The following MNAT1 variants were observed in gnomAD, a reference collection of about 807,000 sequenced individuals.
The protein encoded by MNAT1 is CDK-activating kinase assembly factor MAT1.
In MNAT1, 43 loss-of-function variants were observed where a neutral mutation model predicts 42.0. The observed-to-expected ratio is 1.02, with a 90% CI of 0.80 to 1.32. MNAT1 has a LOEUF of 1.32. Ranked by LOEUF, MNAT1 falls within the 40% of genes most tolerant of loss-of-function variation. The probability of loss-of-function intolerance (pLI) is 0.00; values close to 1 mark genes in which losing one functional copy is unlikely to be tolerated. For synonymous variants in MNAT1, 118 were observed against 120.0 expected (o/e 0.98, Z 0.11); for missense variants, 306 against 350.4 (o/e 0.87, Z 1.01).
At chr14:60,801,824 G>A (rs2032210814) in intron 3 of MNAT1, among the ~76,000 whole-genome samples, 2 of 152,096 alleles carry the variant, frequency 1.3e-5, no homozygotes, top group African/African-American at 4.8e-5. Flanking sequence ...CCACTTCTGG[G>A]TCTATAACCT....
At chr14:60,790,186 G>A (rs2031773838) in intron 1 of MNAT1, among the ~76,000 whole-genome samples, 1 of 152,104 alleles carries the variant, frequency 6.6e-6, no homozygotes, top group Non-Finnish European at 1.5e-5. Context: ...GTAAGAATAA[G>A]ATAGAAGGAG....
intron 7 of MNAT1, among the ~76,000 whole-genome samples, chr14:60,909,560 G>C (rs1184786902): frequency 6.6e-6 from 1 of 152,016 alleles, no homozygotes; most frequent in Non-Finnish European, 1.5e-5. Context: ...AGTTTTCCCA[G>C]CACCATTTAT....
intron 1 of MNAT1, among the ~76,000 whole-genome samples, chr14:60,765,293 C>T (rs1248275187): frequency 6.6e-6 from 1 of 152,046 alleles, no homozygotes; most frequent in South Asian, 2.1e-4. Context: ...CTCAAACAAA[C>T]GTCTCACTCA....
intron 6 of MNAT1, among the ~76,000 whole-genome samples, chr14:60,872,360 A>G (rs1209971898): frequency 6.6e-6 from 1 of 152,198 alleles, no homozygotes; most frequent in Non-Finnish European, 1.5e-5. Flanking sequence ...TCAACATGAA[A>G]TTTGGAAGGG....
At chr14:60,903,290 A>C (rs1339538676) in intron 7 of MNAT1, among the ~76,000 whole-genome samples, 5 of 152,078 alleles carry the variant, frequency 3.3e-5, no homozygotes, top group African/African-American at 1.2e-4. Flanking sequence ...AATATTATTA[A>C]AAATTTTTTC....
chr14:60,861,895 A>G (rs1483272519), intron 6 of MNAT1, among the ~76,000 whole-genome samples: 2 of 152,198 alleles, frequency 1.3e-5, no homozygotes, highest in Admixed American at 6.5e-5. Flanking sequence ...CTCCCACATG[A>G]TATCAGATGT....
intron 6 of MNAT1, among the ~76,000 whole-genome samples, chr14:60,862,506 G>C (rs2034119553): frequency 6.6e-6 from 1 of 152,166 alleles, no homozygotes; most frequent in Admixed American, 6.5e-5. Context: ...CAAGGGCTCA[G>C]TGCCAAAAAG....
At chr14:60,946,100 A>G (rs1566573771) in intron 7 of MNAT1, among the ~76,000 whole-genome samples, 1 of 152,188 alleles carries the variant, frequency 6.6e-6, no homozygotes, top group Non-Finnish European at 1.5e-5. Flanking sequence ...GATTCAACTC[A>G]GGGATATTAG....
chr14:60,767,771 T>G lies in MNAT1; in HGVS notation c.90-28446T>G, dbSNP rs554528329. 1.9e-4 allele frequency among the ~76,000 whole-genome samples: 29 copies of G among 152,046 alleles called. 1 individual carries two copies. In the East Asian group the frequency reaches 5.2e-3, roughly 27 times the overall value. ...GCATGCCACCACACTTGGCTATTTT[T>G]TTTGTTTGTTTTGAGATGGAGTCTC... On this transcript the variant is annotated intron_variant, in intron 1 of 7. Coordinates refer to ENST00000261245, the MANE Select transcript of MNAT1 (RefSeq NM_002431.4).
chr14:60,825,052 A>G (rs1220419991), intron 6 of MNAT1, among the ~76,000 whole-genome samples: 1 of 152,168 alleles, frequency 6.6e-6, no homozygotes, highest in Non-Finnish European at 1.5e-5. Flanking sequence ...GACAAAAGTT[A>G]TTTACAACAT....
At chr14:60,931,368 T>C (rs1364951271) in intron 7 of MNAT1, among the ~76,000 whole-genome samples, 2 of 152,286 alleles carry the variant, frequency 1.3e-5, no homozygotes, top group East Asian at 3.9e-4. Context: ...GCTTTCTCAC[T>C]ACTCACTTTT....
chr14:60,778,845 A>G (rs973444527), intron 1 of MNAT1, among the ~76,000 whole-genome samples: 22 of 152,204 alleles, frequency 1.4e-4, no homozygotes, highest in Admixed American at 7.2e-4. Flanking sequence ...TCATTATATT[A>G]AGTATCCTCA....
At chr14:60,910,443 A>G (rs1180971385) in intron 7 of MNAT1, among the ~76,000 whole-genome samples, 1 of 152,194 alleles carries the variant, frequency 6.6e-6, no homozygotes, top group Non-Finnish European at 1.5e-5. Flanking sequence ...TCCATTCAGT[A>G]TGATATTGGC....
chr14:60,859,011 T>C (rs535308391), intron 6 of MNAT1, among the ~76,000 whole-genome samples: 1 of 152,332 alleles, frequency 6.6e-6, no homozygotes, highest in Non-Finnish European at 1.5e-5. Flanking sequence ...TATCTGCCTT[T>C]CGTAAGAATT....
chr14:60,738,921 A>G (rs1296151217), intron 1 of MNAT1, among the ~76,000 whole-genome samples: 27 of 152,290 alleles, frequency 1.8e-4, no homozygotes. Context: ...AGGCATTTTT[A>G]TAATATGCTT....
chr14:60,908,462 C>T (rs2035265275), intron 7 of MNAT1, among the ~76,000 whole-genome samples: 1 of 151,922 alleles, frequency 6.6e-6, no homozygotes, highest in Non-Finnish European at 1.5e-5. Context: ...CTAATGCTAT[C>T]CCTCCCCCAA....
intron 6 of MNAT1, among the ~76,000 whole-genome samples, chr14:60,819,280 T>C (rs1358558169): frequency 6.6e-6 from 1 of 152,022 alleles, no homozygotes; most frequent in Non-Finnish European, 1.5e-5. Flanking sequence ...TAGATTAATT[T>C]GGGTTTCAAA....
At chr14:60,957,141 C>G (rs2036501214) in intron 7 of MNAT1, among the ~76,000 whole-genome samples, 1 of 152,034 alleles carries the variant, frequency 6.6e-6, no homozygotes, top group South Asian at 2.1e-4. Flanking sequence ...CTATTCCTTT[C>G]TCTTCATCTT....
chr14:60,953,833 G>A (rs889943617), intron 7 of MNAT1, among the ~76,000 whole-genome samples: 7 of 152,036 alleles, frequency 4.6e-5, no homozygotes, highest in Non-Finnish European at 1.0e-4. Flanking sequence ...ACAGGTGTGA[G>A]GTGATACCTC....
Sources: allele counts gnomAD v4.1 joint callset (sites outside exome capture counted in the v4.1 genomes callset), GRCh38; gene constraint gnomAD v4.1.1; transcripts MANE v1.5; gene names NCBI Gene and HGNC (gene_info 2026-07-23, HGNC 2026-07-21).